Variants in KALRN observed in about 807,000 individuals in gnomAD.
The protein encoded by KALRN is kalirin RhoGEF kinase.
KALRN carries 70 observed loss-of-function variants against 353.7 expected under a neutral mutation model. The observed-to-expected ratio is 0.20, with a 90% confidence interval of 0.16 to 0.24. The LOEUF (loss-of-function observed/expected upper bound fraction) is 0.24. Among genes scored for constraint, KALRN ranks in the 10% least tolerant of loss-of-function variants. KALRN has a pLI of 1.00. For synonymous variants in KALRN, 1,391 were observed against 1,434.8 expected (o/e 0.97, Z 0.69); for missense variants, 2,791 against 3,756.7 (o/e 0.74, Z 6.72).
chr3:124,576,164 C>T lies in KALRN; in HGVS notation c.5182+13075C>T, dbSNP rs34750159. Among the ~76,000 whole-genome samples the T allele has an allele frequency of 2.9e-3, 445 of 151,904 alleles. 1 individual carries two copies. Among genetic ancestry groups the T allele is most frequent in the Non-Finnish European group, 4.9e-3 (334 of 67,950 alleles). ...GATTAGAGAGGTCTTCCCTAACTCC[C>T]ACCCTCTCCCATCACAGTGTATACT... On this transcript the variant is annotated intron_variant, in intron 34 of 59. Coordinates refer to ENST00000682506, the MANE Select transcript of KALRN (RefSeq NM_001388419.1).
Position 124,658,053 on chromosome 3 carries a change from G to A in KALRN, c.6036+250G>A, listed in dbSNP as rs552188858. 4.4e-4 allele frequency among the ~76,000 whole-genome samples: 67 copies of A among 152,228 alleles called. 1 individual carries two copies. The South Asian group carries it at 0.013, about 31-fold the overall frequency. Reference sequence around the variant, plus strand: ...CCTATAGTCCTAGCCACTTGGGGGGGCGGAGGCAGGAGGATCGCTTGAGCC... The same window carrying A: ...CCTATAGTCCTAGCCACTTGGGGGGACGGAGGCAGGAGGATCGCTTGAGCC... On this transcript the variant is annotated intron_variant, in intron 41 of 59. Transcript: ENST00000682506.
chr3:124,328,924 A>AT, intron 7 of KALRN, among the ~76,000 whole-genome samples: 1 of 152,228 alleles, frequency 6.6e-6, no homozygotes, highest in South Asian at 2.1e-4. Flanking sequence ...ACTCAAAGTT[A>AT]TTTTTTCCAT....
chr3:124,666,298 G>T, intron 45 of KALRN, 151 bp from the exon 46 acceptor site: 1 of 673,970 alleles, frequency 1.5e-6, no homozygotes, highest in Non-Finnish European at 2.5e-6. Context: ...ATGAGTGGGT[G>T]GGTCCTAATT....
intron 10 of KALRN, among the ~76,000 whole-genome samples, chr3:124,375,265 C>T (rs938827129): frequency 5.9e-5 from 9 of 152,184 alleles, no homozygotes; most frequent in East Asian, 1.9e-4. Flanking sequence ...TTCAGAGCTC[C>T]GTGTCTGCAT....
At chr3:124,099,445 A>G (rs1381388493) in intron 1 of KALRN, 1 of 152,106 alleles carries the variant, frequency 6.6e-6, no homozygotes, top group Non-Finnish European at 1.5e-5. Context: ...CATTTTCTTT[A>G]TCTATTCACC....
At chr3:124,197,156 T>A (rs2075524490) in intron 1 of KALRN, among the ~76,000 whole-genome samples, 1 of 152,044 alleles carries the variant, frequency 6.6e-6, no homozygotes, top group South Asian at 2.1e-4. Context: ...ACATCCATAA[T>A]GATTTTCTTG....
intron 34 of KALRN, among the ~76,000 whole-genome samples, chr3:124,622,849 C>T (rs1008783512): frequency 2.6e-5 from 4 of 152,170 alleles, no homozygotes; most frequent in African/African-American, 7.2e-5. Flanking sequence ...TATGTTTGCA[C>T]TCTTTGATGA....
intron 3 of KALRN, among the ~76,000 whole-genome samples, chr3:124,240,618 A>G (rs1336713802): frequency 6.6e-6 from 1 of 152,110 alleles, no homozygotes; most frequent in East Asian, 1.9e-4. Context: ...CCATTCTCTC[A>G]TCTCCTGTCA....
intron 55 of KALRN, among the ~76,000 whole-genome samples, chr3:124,698,390 A>C (rs534731748): frequency 6.6e-6 from 1 of 152,344 alleles, no homozygotes; most frequent in South Asian, 2.1e-4. Context: ...CCAACTCAGC[A>C]CAGAGGCCTC....
intron 33 of KALRN, chr3:124,519,222 A>G: frequency 1.0e-6 from 1 of 971,008 alleles, no homozygotes. Context: ...ATATAAATGA[A>G]AAACTGGCCA....
chr3:124,631,539 G>A (rs1049957439), intron 34 of KALRN, among the ~76,000 whole-genome samples: 1 of 152,054 alleles, frequency 6.6e-6, no homozygotes, highest in Admixed American at 6.6e-5. Flanking sequence ...TAGTCTGTCA[G>A]CAATTCATAT....
rs2080953704 is a variant in KALRN, at chr3:124,334,772, G to A, written c.1647+277G>A. On this transcript the variant is annotated intron_variant, in intron 9 of 59. Coordinates refer to ENST00000682506, the MANE Select transcript of KALRN (RefSeq NM_001388419.1). The surrounding 1 kb of genome is among the most constrained non-coding windows in gnomAD (Gnocchi z 4.2). The stretch of plus-strand genomic sequence containing the variant: ...GTCTCAGGAACTGCAATTCCTCGTA[G>A]TCATGTGGCACATTTTTCTTTTGTT... 3.3e-5 allele frequency among the ~76,000 whole-genome samples: 5 copies of A among 152,334 alleles called. No individual in the cohort carries two copies. Among genetic ancestry groups the A allele is most frequent in the African/African-American group, 1.2e-4 (5 of 41,586 alleles).
chr3:124,539,762 A>T (rs2109305729), intron 33 of KALRN, among the ~76,000 whole-genome samples: 1 of 152,076 alleles, frequency 6.6e-6, no homozygotes, highest in South Asian at 2.1e-4. Flanking sequence ...TATTTGTATC[A>T]TTTTGTGTTT....
chr3:124,694,575 G>A lies in KALRN; in HGVS notation c.7577+72G>A, dbSNP rs9831368. 2.5e-4 allele frequency: 362 copies of A among 1,453,776 alleles called. No homozygotes were observed. In the African/African-American group the frequency reaches 4.4e-3, roughly 17 times the overall value. 90.1% of individuals were successfully genotyped at this position (1,453,776 alleles called of 1,614,324 possible). Reference sequence around the variant, plus strand: ...ACAGCACTGAGAGGCTGAATCTGGGGTGCAACTTCTGCTCTGGTGACTGGG... The same window carrying A: ...ACAGCACTGAGAGGCTGAATCTGGGATGCAACTTCTGCTCTGGTGACTGGG... On this transcript the variant is annotated intron_variant, in intron 53 of 59. Coordinates refer to ENST00000682506, the MANE Select transcript of KALRN (RefSeq NM_001388419.1).
At chr3:124,336,613 G>A (rs1173546778) in intron 9 of KALRN, among the ~76,000 whole-genome samples, 3 of 152,012 alleles carry the variant, frequency 2.0e-5, no homozygotes, top group East Asian at 3.9e-4. Context: ...AACTATCAGG[G>A]AACTGCTGTA....
chr3:124,280,834 A>G (rs765100196), intron 5 of KALRN, among the ~76,000 whole-genome samples: 2 of 152,168 alleles, frequency 1.3e-5, no homozygotes, highest in African/African-American at 4.8e-5. Context: ...CAAGGTCAGT[A>G]GTAGTTACTG....
chr3:124,405,649 T>G (rs868400624), intron 13 of KALRN, among the ~76,000 whole-genome samples: 4,057 of 144,306 alleles, frequency 0.028, 182 homozygotes, highest in African/African-American at 0.099. Context: ...TTTTTTTTTT[T>G]TTTTTTTTTT....
At chr3:124,138,142 C>A (rs1234624700) in intron 1 of KALRN, among the ~76,000 whole-genome samples, 1 of 152,182 alleles carries the variant, frequency 6.6e-6, no homozygotes, top group Non-Finnish European at 1.5e-5. Context: ...TGTGCCACTT[C>A]CACCACCCTC....
chr3:124,481,282 C>A (rs986934140), intron 27 of KALRN, among the ~76,000 whole-genome samples: 1 of 152,188 alleles, frequency 6.6e-6, no homozygotes, highest in African/African-American at 2.4e-5. Flanking sequence ...TCATAGCTCA[C>A]TGCAGCCTTG....
Sources: gnomAD v4.1 joint callset for allele counts (sites outside exome capture counted in the v4.1 genomes callset) on GRCh38, gnomAD v4.1.1 for gene constraint, Gnocchi (gnomAD v3.1) non-coding constraint, MANE v1.5 for transcripts, NCBI Gene and HGNC (gene_info 2026-07-23, HGNC 2026-07-21) for gene names.